IL18RAP: variants seen among roughly 807,000 people sequenced by gnomAD.
IL18RAP encodes interleukin 18 receptor accessory protein.
A neutral mutation model predicts 58.1 loss-of-function variants in IL18RAP; 37 were observed. That is an observed-to-expected ratio of 0.64 (90% CI 0.49 to 0.84). The LOEUF is 0.84. IL18RAP is among the 40% of genes least tolerant of loss of function. The pLI is 0.00. For missense variants in IL18RAP, 667 were observed against 704.8 expected (o/e 0.95, Z 0.61); for synonymous variants, 268 against 257.5 (o/e 1.04, Z -0.39).
At chr2:102,435,022 A>G (rs1419297500) in intron 3 of IL18RAP, 2 of 152,236 alleles carry the variant, frequency 1.3e-5, no homozygotes, top group Non-Finnish European at 1.5e-5. Context: ...AGTAAAAAAA[A>G]AATCTATCAA....
upstream of IL18RAP, among the ~76,000 whole-genome samples, chr2:102,421,570 C>A (rs562580383): frequency 2.0e-5 from 3 of 152,338 alleles, no homozygotes; most frequent in Admixed American, 2.0e-4. Flanking sequence ...CATTGCTGAT[C>A]CTGCCTTGTT....
At chr2:102,421,797 G>T (rs1681592783), upstream of IL18RAP, among the ~76,000 whole-genome samples, 1 of 152,138 alleles carries the variant, frequency 6.6e-6, no homozygotes, top group Non-Finnish European at 1.5e-5. Flanking sequence ...GCTCCACCTG[G>T]ACAAAGTGGT....
Position 102,452,374 on chromosome 2 carries a change from T to A in IL18RAP, c.*193T>A, listed in dbSNP as rs7603250. 0.75 allele frequency: 400,923 copies of A among 538,144 alleles called. 152,400 individuals are homozygous for A. The highest frequency in any genetic ancestry group is 0.9 in the African/African-American group (47,435 of 52,972). The allele number at this position is 538,144 out of a possible 1,614,324, so 33.3% of individuals were successfully genotyped here. A position where few individuals can be genotyped will look rare whatever the true frequency, so the allele number is the denominator to read the frequency against. ...GAGCCTTTGATTTCCTGGACTGGAC[T>A]GACGGCGAGTGAATTCTCTAGACCT... On this transcript the variant is annotated 3_prime_UTR_variant, in exon 10 of 10. Coordinates refer to ENST00000687160, the MANE Select transcript of IL18RAP (RefSeq NM_001393487.1).
rs773227633 is a variant in IL18RAP, at chr2:102,452,008, A to G, written c.1627A>G (p.Lys543Glu). 3 of 1,614,044 alleles carry G rather than the reference A, an allele frequency of 1.9e-6. No homozygotes were observed. The African/African-American group carries it at 4.0e-5, about 22-fold the overall frequency. Residue 543 changes from lysine (K) to glutamate (E), a missense_variant, in exon 10 of 10, where the codon AAA (lysine) becomes GAA (glutamate). Physicochemically the swap from Lys to Glu is moderately conservative, Grantham distance 56. Transcript: ENST00000687160. ...GCCCACAGTTACTTGGAGAGGCTTA[A>G]AATCAGTTCCTCCCAATTCTAGGTT... is the stretch of plus-strand genomic sequence containing the variant. The part of the protein sequence containing the change: ...VLPTVTWRGL[K>E]SVPPNSRFWA...
At chr2:102,443,172 T>C in intron 5 of IL18RAP, 28 bp from the exon 6 acceptor site, 5 of 1,594,960 alleles carry the variant, frequency 3.1e-6, no homozygotes, top group Non-Finnish European at 4.3e-6. Context: ...AGCTTCCTTC[T>C]TGTTTTCTCT....
chr2:102,448,669 G>A (rs553747109), intron 8 of IL18RAP, among the ~76,000 whole-genome samples: 4 of 152,194 alleles, frequency 2.6e-5, no homozygotes, highest in Non-Finnish European at 4.4e-5. Context: ...AATAAAGACC[G>A]GCATGGGAGG....
chr2:102,421,081 A>G (rs900335857), upstream of IL18RAP, among the ~76,000 whole-genome samples: 1 of 152,208 alleles, frequency 6.6e-6, no homozygotes, highest in Non-Finnish European at 1.5e-5. Flanking sequence ...GTCATTACTG[A>G]GCTCCTGTTA....
At chr2:102,421,599 TAAG>T (rs1055105125), upstream of IL18RAP, among the ~76,000 whole-genome samples, 1 of 152,196 alleles carries the variant, frequency 6.6e-6, no homozygotes, top group Non-Finnish European at 1.5e-5. Flanking sequence ...GCAGTCCTTG[TAAG>T]AAGAGCTGTC....
intron 7 of IL18RAP, among the ~76,000 whole-genome samples, chr2:102,446,726 G>A (rs1185398956): frequency 4.6e-5 from 7 of 151,834 alleles, no homozygotes; most frequent in Admixed American, 1.3e-4. Context: ...GCGTGAACCC[G>A]GGAGGCGGAG....
intron 8 of IL18RAP, among the ~76,000 whole-genome samples, chr2:102,448,477 T>C (rs908906641): frequency 1.3e-5 from 2 of 152,220 alleles, no homozygotes; most frequent in Non-Finnish European, 2.9e-5. Context: ...CCTGGAAATC[T>C]CCAAGGTTAG....
At chr2:102,433,935 G>A (rs1424486558) in intron 3 of IL18RAP, 2 of 152,242 alleles carry the variant, frequency 1.3e-5, no homozygotes, top group Non-Finnish European at 2.9e-5. Context: ...TAGTGCTGTG[G>A]ATAACTGGTA....
intron 3 of IL18RAP, among the ~76,000 whole-genome samples, chr2:102,427,783 C>T (rs1241865357): frequency 6.6e-6 from 1 of 151,962 alleles, no homozygotes; most frequent in African/African-American, 2.4e-5. Context: ...CATAACAGTG[C>T]TGTAGAGCTT....
At chr2:102,425,650 C>T (rs961821754) in intron 3 of IL18RAP, among the ~76,000 whole-genome samples, 3 of 151,528 alleles carry the variant, frequency 2.0e-5, no homozygotes, top group East Asian at 3.9e-4. Flanking sequence ...TCAAAGTATC[C>T]GTCATCCAGG....
chr2:102,446,733 G>A (rs1009065000), intron 7 of IL18RAP, among the ~76,000 whole-genome samples: 5 of 151,514 alleles, frequency 3.3e-5, no homozygotes, highest in East Asian at 1.9e-4. Flanking sequence ...CCCGGGAGGC[G>A]GAGCTTGCAG....
intron 8 of IL18RAP, among the ~76,000 whole-genome samples, chr2:102,448,120 A>C (rs927652256): frequency 6.6e-6 from 1 of 152,214 alleles, no homozygotes. Flanking sequence ...ACTAGAGTGT[A>C]TGCCTGCCAT....
At chr2:102,424,984 C>T (rs940612725) in intron 3 of IL18RAP, among the ~76,000 whole-genome samples, 19 of 152,194 alleles carry the variant, frequency 1.2e-4, no homozygotes, top group African/African-American at 4.6e-4. Flanking sequence ...CTATGAACCA[C>T]ATGTACGTGA....
At chr2:102,426,827 G>A (rs75370599) in intron 3 of IL18RAP, among the ~76,000 whole-genome samples, 1 of 123,572 alleles carries the variant, frequency 8.1e-6, no homozygotes, top group African/African-American at 3.4e-5. Flanking sequence ...TAGTTATCTT[G>A]CTGTGAAATA....
Position 102,424,088 on chromosome 2 carries a change from A to C in IL18RAP, c.348A>C (p.Pro116=), listed in dbSNP as rs199952525. 1.7e-5 allele frequency: 28 copies of C among 1,613,936 alleles called. No homozygotes were observed. The Admixed American group carries it at 4.5e-4, about 26-fold the overall frequency. The change falls in exon 2 of 10, where the codon CCA becomes CCC. Residue 116 remains proline, a synonymous_variant. Transcript: ENST00000687160. Reference sequence around the variant, plus strand: ...AATGTACCCTTCACTTTTTGACCCCAGGGGTGAATAATTCTGGGTCATATA... The same window carrying C: ...AATGTACCCTTCACTTTTTGACCCCCGGGGTGAATAATTCTGGGTCATATA... ...QDKCTLHFLT[P]GVNNSGSYIC... is the part of the protein sequence containing the mutation.
intron 3 of IL18RAP, among the ~76,000 whole-genome samples, chr2:102,436,634 A>G (rs1433464041): frequency 6.6e-6 from 1 of 151,798 alleles, no homozygotes; most frequent in Admixed American, 6.6e-5. Context: ...CCAGAAAAAA[A>G]TGAGGTTGAT....
Sources: gnomAD v4.1 joint callset for allele counts (sites outside exome capture counted in the v4.1 genomes callset) on GRCh38, gnomAD v4.1.1 for gene constraint, MANE v1.5 for transcripts, NCBI Gene and HGNC (gene_info 2026-07-23, HGNC 2026-07-21) for gene names.